The following TANC1 variants were observed in gnomAD, a reference collection of about 807,000 sequenced individuals.
TANC1 encodes protein TANC1.
In TANC1, 77 loss-of-function variants were observed where a neutral mutation model predicts 149.7. That is an observed-to-expected ratio of 0.51 (90% CI 0.43 to 0.62). The LOEUF (loss-of-function observed/expected upper bound fraction) is 0.62, where lower values mean the gene tolerates loss of function less well. TANC1 is among the 20% of genes least tolerant of loss of function. The pLI is 0.00. For synonymous variants in TANC1, 854 were observed against 925.0 expected (o/e 0.92, Z 1.39); for missense variants, 1,985 against 2,321.8 (o/e 0.85, Z 2.98).
At chr2:159,219,930 A>G in intron 22 of TANC1, 63 bp downstream of exon 22, 8 of 1,545,392 alleles carry the variant, frequency 5.2e-6, no homozygotes, top group Non-Finnish European at 7.1e-6. Context: ...GGAAGTGAAC[A>G]GCTCAATCCA....
chr2:159,173,801 T>A (rs939411496), intron 11 of TANC1, among the ~76,000 whole-genome samples: 2 of 152,184 alleles, frequency 1.3e-5, no homozygotes, highest in Non-Finnish European at 2.9e-5. Context: ...CCTCTGTTGA[T>A]GATAAATTTA....
Position 159,075,403 on chromosome 2 carries a change from TA to T in TANC1, c.61+9444del, listed in dbSNP as rs767567219. Among the ~76,000 whole-genome samples the T allele has an allele frequency of 3.5e-3, 413 of 117,506 alleles. 1 individual carries two copies. The highest frequency in any genetic ancestry group is 9.8e-3 in the African/African-American group (352 of 35,776). The allele number at this position is 117,506 out of a possible 152,430, so 77.1% of individuals were successfully genotyped here. A position where few individuals can be genotyped will look rare whatever the true frequency, so the allele number is the denominator to read the frequency against. On this transcript the variant is annotated intron_variant, in intron 3 of 26. Coordinates refer to ENST00000263635, the MANE Select transcript of TANC1 (RefSeq NM_033394.3). ...AGCAACATAGTGAGACCTTGTCTATTAAAAAAAAAAAACAAAAAAAAAACTG... is the reference window on the plus strand; with the variant it reads ...AGCAACATAGTGAGACCTTGTCTATTAAAAAAAAAAACAAAAAAAAAACTG...
chr2:158,997,550 AAT>A (rs1301666984), intron 1 of TANC1, among the ~76,000 whole-genome samples: 1 of 152,182 alleles, frequency 6.6e-6, no homozygotes, highest in East Asian at 1.9e-4. Context: ...TCCTTGAAGA[AAT>A]GGATAATTAT....
intron 2 of TANC1, among the ~76,000 whole-genome samples, chr2:159,005,287 A>G (rs2037048274): frequency 6.6e-6 from 1 of 152,140 alleles, no homozygotes; most frequent in Admixed American, 6.5e-5. Context: ...ATGGTTTTAG[A>G]GGAGGCTTGA....
intron 17 of TANC1, 87 bp downstream of exon 17, chr2:159,194,580 C>T (rs551852199): frequency 8.4e-7 from 1 of 1,192,224 alleles, no homozygotes; most frequent in Non-Finnish European, 1.2e-6. Context: ...GCCAGACTCT[C>T]TTGTCTCTGA....
intron 1 of TANC1, among the ~76,000 whole-genome samples, chr2:158,992,616 C>T (rs2149283554): frequency 6.6e-6 from 1 of 151,830 alleles, no homozygotes; most frequent in South Asian, 2.1e-4. Flanking sequence ...CATTCTCCTG[C>T]CTCAGCCTCC....
intron 5 of TANC1, among the ~76,000 whole-genome samples, chr2:159,142,755 T>A: frequency 6.6e-6 from 1 of 150,802 alleles, no homozygotes. Context: ...GAAATTAGCC[T>A]GGCACTTCAA....
At chr2:159,105,643 A>G (rs2047108054) in intron 4 of TANC1, among the ~76,000 whole-genome samples, 3 of 152,214 alleles carry the variant, frequency 2.0e-5, no homozygotes, top group South Asian at 4.1e-4. Flanking sequence ...TTGTTTCTAT[A>G]GTACGTAACC....
intron 1 of TANC1, among the ~76,000 whole-genome samples, chr2:158,970,740 G>C (rs1369794986): frequency 6.6e-6 from 1 of 152,192 alleles, no homozygotes; most frequent in Non-Finnish European, 1.5e-5. Context: ...GGACTGTTGT[G>C]ATTTGACAAT....
At chr2:158,976,308 G>C (rs1386958215) in intron 1 of TANC1, among the ~76,000 whole-genome samples, 1 of 152,192 alleles carries the variant, frequency 6.6e-6, no homozygotes, top group Non-Finnish European at 1.5e-5. Context: ...ATTATATGAG[G>C]TTGCCTGAGG....
At chr2:159,150,594 T>A in intron 7 of TANC1, 38 bp downstream of exon 7, 1 of 1,524,666 alleles carries the variant, frequency 6.6e-7, no homozygotes, top group Non-Finnish European at 9.1e-7. Context: ...ATGGCTCGAA[T>A]CTCATCAACC....
At chr2:159,046,423 A>T (rs1157095005) in intron 2 of TANC1, among the ~76,000 whole-genome samples, 1 of 152,082 alleles carries the variant, frequency 6.6e-6, no homozygotes. Context: ...CTTCGCCTCA[A>T]TAGAAACTGC....
chr2:159,062,351 A>G (rs550209878), intron 2 of TANC1, among the ~76,000 whole-genome samples: 12 of 152,352 alleles, frequency 7.9e-5, no homozygotes, highest in African/African-American at 2.9e-4. Flanking sequence ...CTTCCTTACC[A>G]TACAGTATGT....
chr2:159,051,763 G>A (rs990092690), intron 2 of TANC1, among the ~76,000 whole-genome samples: 5 of 151,872 alleles, frequency 3.3e-5, no homozygotes, highest in Admixed American at 1.3e-4. Context: ...AGAACTGCAC[G>A]AGGCTTGCAC....
intron 8 of TANC1, among the ~76,000 whole-genome samples, chr2:159,166,381 C>T (rs1466689516): frequency 2.6e-5 from 4 of 152,146 alleles, no homozygotes; most frequent in Non-Finnish European, 5.9e-5. Flanking sequence ...AGATGTCTCC[C>T]TCTGCCTTGC....
chr2:159,048,410 G>A lies in TANC1; in HGVS notation c.-15-17486G>A, dbSNP rs188406341. On this transcript the variant is annotated intron_variant, in intron 2 of 26. Coordinates refer to ENST00000263635, the MANE Select transcript of TANC1 (RefSeq NM_033394.3). ...CCGTGAACTGTCTATTAGCTGGGTG[G>A]CCTGAGACAAGGACAGTAGGATCAT... is the stretch of plus-strand genomic sequence containing the variant. Among the ~76,000 whole-genome samples, 615 of 152,296 alleles carry A rather than the reference G, an allele frequency of 4.0e-3. 1 individual carries two copies. The highest frequency in any genetic ancestry group is 6.8e-3 in the Non-Finnish European group (463 of 68,030).
chr2:159,050,999 G>A (rs2041423396), intron 2 of TANC1, among the ~76,000 whole-genome samples: 1 of 152,132 alleles, frequency 6.6e-6, no homozygotes, highest in African/African-American at 2.4e-5. Flanking sequence ...ATCCAGCTTT[G>A]TTGCAGACTG....
chr2:159,230,910 G>A lies in TANC1; in HGVS notation c.5484G>A (p.Gln1828=), dbSNP rs766464596. 1.3e-5 allele frequency: 21 copies of A among 1,614,050 alleles called. No homozygotes were observed. The highest frequency in any genetic ancestry group is 9.3e-6 in the Non-Finnish European group (11 of 1,180,044). ...RITKTVSHLY[Q]ESISKQQPHI... ...CTAAGACTGTTTCTCATCTGTACCA[G>A]GAAAGTATCTCCAAACAGCAGCCTC... Residue 1828 remains glutamine, a synonymous_variant, in exon 27 of 27, where the codon CAG becomes CAA. Transcript: ENST00000263635. The surrounding 1 kb of genome is among the most constrained non-coding windows in gnomAD (Gnocchi z 4.4).
intron 18 of TANC1, 56 bp from the exon 19 acceptor site, chr2:159,198,919 A>G (rs2058054307): frequency 3.9e-6 from 5 of 1,267,620 alleles, no homozygotes; most frequent in Non-Finnish European, 5.8e-6. Context: ...TACATGGGCT[A>G]TAATAAGCAC....
Sources: gnomAD v4.1 joint callset for allele counts (sites outside exome capture counted in the v4.1 genomes callset) on GRCh38, gnomAD v4.1.1 for gene constraint, Gnocchi (gnomAD v3.1) non-coding constraint, MANE v1.5 for transcripts, NCBI Gene and HGNC (gene_info 2026-07-23, HGNC 2026-07-21) for gene names.